GARIN4: variants seen among roughly 807,000 people sequenced by gnomAD.
The protein encoded by GARIN4 is golgi associated RAB2 interactor family member 4, also known as Golgi-associated RAB2 interactor protein 4.
the GARIN4 span, chr1:212,626,703 C>A: frequency 6.5e-7 from 1 of 1,538,434 alleles, no homozygotes; most frequent in South Asian, 1.3e-5. Flanking sequence ...GCCCAGAGCT[C>A]ATGGGAGTGT....
chr1:212,625,435 C>T, the GARIN4 span: 1 of 1,614,098 alleles, frequency 6.2e-7, no homozygotes, highest in Non-Finnish European at 8.5e-7. Flanking sequence ...GTACCTGTGG[C>T]ATTCCAGCTG....
At chr1:212,626,006 C>G in the GARIN4 span, 13 of 1,614,122 alleles carry the variant, frequency 8.1e-6, no homozygotes, top group Non-Finnish European at 1.1e-5. Context: ...AGGAGTAGTA[C>G]TGACCAGCAG....
At chr1:212,625,272 A>C in the GARIN4 span, 2 of 1,614,210 alleles carry the variant, frequency 1.2e-6, no homozygotes, top group Non-Finnish European at 1.7e-6. Flanking sequence ...ATCTCTGTTC[A>C]AGACCATGAG....
the GARIN4 span, chr1:212,624,804 C>T: frequency 5.5e-5 from 81 of 1,460,428 alleles, no homozygotes; most frequent in Non-Finnish European, 7.3e-5. Context: ...CCACTGGTCC[C>T]TCATCTGCCA....
the GARIN4 span, chr1:212,626,448 G>A: frequency 6.2e-7 from 1 of 1,614,202 alleles, no homozygotes. Flanking sequence ...AAGGGACTTG[G>A]CAGGGTCAGC....
the GARIN4 span, chr1:212,625,760 G>A: frequency 1.7e-5 from 27 of 1,613,878 alleles, no homozygotes; most frequent in East Asian, 1.6e-4. Context: ...CGTAGCAGGT[G>A]CCTTGAGTGT....
At chr1:212,625,330 G>T in the GARIN4 span, 2 of 1,614,252 alleles carry the variant, frequency 1.2e-6, no homozygotes, top group Non-Finnish European at 1.7e-6. Context: ...CTTGCTATCT[G>T]CAATTGTGTC....
the GARIN4 span, chr1:212,626,647 C>T: frequency 6.2e-7 from 1 of 1,601,122 alleles, no homozygotes; most frequent in Non-Finnish European, 8.5e-7. Flanking sequence ...AGACAGTGAC[C>T]TTTGAAGCCC....
chr1:212,625,776 C>T, the GARIN4 span: 1 of 1,614,064 alleles, frequency 6.2e-7, no homozygotes, highest in East Asian at 2.2e-5. Flanking sequence ...AGTGTGGCAG[C>T]AGCCAATTCT....
At chr1:212,624,935 A>G in the GARIN4 span, 11 of 1,613,794 alleles carry the variant, frequency 6.8e-6, no homozygotes, top group Non-Finnish European at 7.6e-6. Context: ...CAGCATGAGC[A>G]TGTTCAACAC....
chr1:212,624,732 G>C, the GARIN4 span: 1 of 1,405,896 alleles, frequency 7.1e-7, no homozygotes, highest in Non-Finnish European at 9.3e-7. Context: ...AACAGTGGGG[G>C]CCTGTGGGGT....
the GARIN4 span, chr1:212,626,558 A>G: frequency 2.5e-6 from 4 of 1,614,130 alleles, no homozygotes; most frequent in Non-Finnish European, 2.5e-6. Flanking sequence ...GGAGAGGAGC[A>G]CCAACGTGGC....
chr1:212,626,530 C>T, the GARIN4 span: 41 of 1,614,128 alleles, frequency 2.5e-5, no homozygotes, highest in South Asian at 7.7e-5. Context: ...GAGATGTGAA[C>T]GTCATGGCTA....
the GARIN4 span, chr1:212,625,354 A>T: frequency 1.3e-5 from 21 of 1,614,136 alleles, 1 homozygote; most frequent in Non-Finnish European, 1.7e-5. Context: ...CTCTTGACAC[A>T]CGGGATGACC....
the GARIN4 span, chr1:212,625,048 A>G: frequency 6.2e-7 from 1 of 1,614,166 alleles, no homozygotes; most frequent in Non-Finnish European, 8.5e-7. Flanking sequence ...CCAAAAGGGG[A>G]GAAGTGATTG....
the GARIN4 span, chr1:212,626,530 C>G: frequency 6.2e-7 from 1 of 1,614,128 alleles, no homozygotes; most frequent in African/African-American, 1.3e-5. Context: ...GAGATGTGAA[C>G]GTCATGGCTA....
chr1:212,626,422 C>A, the GARIN4 span: 3 of 1,614,092 alleles, frequency 1.9e-6, no homozygotes, highest in Non-Finnish European at 2.5e-6. Context: ...TATGGACCAC[C>A]AGTTCCGGTT....
At chr1:212,625,498 C>G in the GARIN4 span, 1 of 1,614,170 alleles carries the variant, frequency 6.2e-7, no homozygotes, top group Non-Finnish European at 8.5e-7. Flanking sequence ...GCCTGGGAGC[C>G]GTGAACCTTC....
the GARIN4 span, chr1:212,625,629 C>G: frequency 6.2e-7 from 1 of 1,614,208 alleles, no homozygotes; most frequent in Non-Finnish European, 8.5e-7. Context: ...TTTAACAAAC[C>G]CACTAATGTG....
Sources: allele counts gnomAD v4.1 joint callset, GRCh38; gene constraint gnomAD v4.1.1; transcripts MANE v1.5; gene names NCBI Gene and HGNC (gene_info 2026-07-23, HGNC 2026-07-21).